UVRAG: variants seen among roughly 807,000 people sequenced by gnomAD.
The protein encoded by UVRAG is UV radiation resistance-associated gene protein.
Under a neutral mutation model 78.0 loss-of-function variants are expected in UVRAG, and 19 were observed. The observed-to-expected ratio is 0.24, with a 90% CI of 0.17 to 0.36. The LOEUF is 0.36. Ranked by LOEUF, UVRAG falls within the 10% of genes least tolerant of loss-of-function variation. The pLI, the probability that UVRAG is intolerant of heterozygous loss-of-function variation, is 1.00. For missense variants in UVRAG, 740 were observed against 853.8 expected (o/e 0.87, Z 1.66); for synonymous variants, 323 against 324.6 (o/e 1.00, Z 0.05).
intron 3 of UVRAG, among the ~76,000 whole-genome samples, chr11:75,872,893 C>A (rs1332459943): frequency 6.6e-6 from 1 of 152,132 alleles, no homozygotes; most frequent in African/African-American, 2.4e-5. Context: ...TAGTATAGTA[C>A]CTGGCACACT....
chr11:76,086,670 A>G (rs186591382), intron 13 of UVRAG, among the ~76,000 whole-genome samples: 8 of 152,376 alleles, frequency 5.3e-5, no homozygotes, highest in African/African-American at 1.9e-4. Flanking sequence ...AAGTGATTTA[A>G]TATGAAAGAT....
At chr11:75,950,763 AT>A (rs1948676697) in intron 6 of UVRAG, among the ~76,000 whole-genome samples, 2 of 152,112 alleles carry the variant, frequency 1.3e-5, no homozygotes, top group South Asian at 4.1e-4. Flanking sequence ...GTAGTAGTGT[AT>A]CATTTTGATT....
At position 76,086,496 on chromosome 11, in the gene UVRAG, A is replaced by G. The variant is rs528638174; in HGVS notation, c.1305+20708A>G. On this transcript the variant is annotated intron_variant, in intron 13 of 14. Transcript: ENST00000356136. Reference sequence around the variant, plus strand: ...AATTAATTAGATAGAGATTTGGTCTATTTTTTAATGTGTTCCCAGATCTTT... The same window carrying G: ...AATTAATTAGATAGAGATTTGGTCTGTTTTTTAATGTGTTCCCAGATCTTT... Among the ~76,000 whole-genome samples the G allele has an allele frequency of 3.3e-5, 5 of 152,262 alleles. No homozygotes were observed. The South Asian group carries it at 8.3e-4, about 25-fold the overall frequency.
At chr11:76,004,862 C>T (rs940326121) in intron 9 of UVRAG, among the ~76,000 whole-genome samples, 2 of 152,168 alleles carry the variant, frequency 1.3e-5, no homozygotes, top group African/African-American at 2.4e-5. Context: ...CACCTTGCAA[C>T]TGTAGTTAAT....
chr11:75,925,785 G>A (rs773321926), intron 6 of UVRAG, among the ~76,000 whole-genome samples: 1 of 152,102 alleles, frequency 6.6e-6, no homozygotes, highest in Non-Finnish European at 1.5e-5. Flanking sequence ...CTAAAAGTTA[G>A]CATACATCTT....
intron 7 of UVRAG, among the ~76,000 whole-genome samples, chr11:75,969,616 T>C (rs1949087827): frequency 6.6e-6 from 1 of 152,206 alleles, no homozygotes; most frequent in Non-Finnish European, 1.5e-5. Flanking sequence ...GCATATTTCA[T>C]AGACCTTTCA....
intron 5 of UVRAG, among the ~76,000 whole-genome samples, chr11:75,898,861 G>T (rs767158422): frequency 6.6e-6 from 1 of 152,052 alleles, no homozygotes; most frequent in Non-Finnish European, 1.5e-5. Context: ...TTAAATAGGT[G>T]GTTATTTCCT....
rs1362064870 is a variant in UVRAG, at chr11:76,140,954, ATCC to A, written c.1649_1651del (p.Ser550del). On this transcript the variant is annotated inframe_deletion, in exon 15 of 15. Transcript: ENST00000356136. Reference sequence around the variant, plus strand: ...AGACCGAGAGAAAGATAACATCTCTATCCTCCTCCTTGGATACCTCCTTGGACT... The same window carrying A: ...AGACCGAGAGAAAGATAACATCTCTATCCTCCTTGGATACCTCCTTGGACT... 1 of 1,614,006 alleles carries A rather than the reference ATCC, an allele frequency of 6.2e-7. No homozygotes were observed. Among genetic ancestry groups the A allele is most frequent in the African/African-American group, 1.3e-5 (1 of 74,916 alleles).
rs112528205 is a variant in UVRAG at position 75,965,304 on chromosome 11, T to TTTTATTTATTTATTTA, written c.699+3760_699+3775dup. On this transcript the variant is annotated intron_variant, in intron 7 of 14. Coordinates refer to ENST00000356136, the MANE Select transcript of UVRAG (RefSeq NM_003369.4). Reference sequence around the variant, plus strand: ...TTTCACTGTAGAGATTTTGGACATCTTTTATTTATTTATTTATTTAATTTT... The same window carrying TTTTATTTATTTATTTA: ...TTTCACTGTAGAGATTTTGGACATCTTTTATTTATTTATTTATTTATTTATTTATTTATTTAATTTT... 3.4e-3 allele frequency among the ~76,000 whole-genome samples: 498 copies of TTTTATTTATTTATTTA among 145,950 alleles called. 4 individuals carry two copies. Among genetic ancestry groups the TTTTATTTATTTATTTA allele is most frequent in the African/African-American group, 0.013 (472 of 35,722 alleles).
intron 13 of UVRAG, among the ~76,000 whole-genome samples, chr11:76,104,754 G>T (rs548203820): frequency 2.6e-5 from 4 of 152,270 alleles, no homozygotes; most frequent in African/African-American, 9.6e-5. Flanking sequence ...TAATGATCCT[G>T]TCGGGTATTT....
At chr11:75,986,821 T>A (rs2135286293) in intron 8 of UVRAG, among the ~76,000 whole-genome samples, 1 of 150,742 alleles carries the variant, frequency 6.6e-6, no homozygotes, top group East Asian at 2.0e-4. Flanking sequence ...TAGATTTGCC[T>A]TTTCTGGACA....
intron 12 of UVRAG, among the ~76,000 whole-genome samples, chr11:76,058,303 G>A (rs541185630): frequency 6.6e-6 from 1 of 152,186 alleles, no homozygotes; most frequent in South Asian, 2.1e-4. Context: ...GGCTGAAGTG[G>A]GAGGATTGCT....
intron 14 of UVRAG, among the ~76,000 whole-genome samples, chr11:76,127,908 G>C (rs901025552): frequency 7.9e-5 from 12 of 151,932 alleles, no homozygotes; most frequent in Admixed American, 7.9e-4. Flanking sequence ...AGTGAGCCAA[G>C]ATTGCACCAC....
intron 6 of UVRAG, among the ~76,000 whole-genome samples, chr11:75,957,184 G>C (rs1159415607): frequency 1.3e-5 from 2 of 151,998 alleles, no homozygotes; most frequent in African/African-American, 4.8e-5. Context: ...GGTCATAAGT[G>C]TTATGATTTC....
chr11:76,058,285 C>G (rs572700551), intron 12 of UVRAG, among the ~76,000 whole-genome samples: 139 of 152,144 alleles, frequency 9.1e-4, no homozygotes, highest in African/African-American at 3.1e-3. Flanking sequence ...AATCTTAACA[C>G]TTTGGGAGGC....
chr11:76,099,093 C>T (rs1384299400), intron 13 of UVRAG, among the ~76,000 whole-genome samples: 2 of 152,108 alleles, frequency 1.3e-5, no homozygotes, highest in African/African-American at 4.8e-5. Flanking sequence ...GTCCTAACAC[C>T]TCAAGAAAGC....
chr11:76,123,899 G>A (rs1952336107), intron 14 of UVRAG, among the ~76,000 whole-genome samples: 1 of 152,188 alleles, frequency 6.6e-6, no homozygotes, highest in African/African-American at 2.4e-5. Flanking sequence ...CCCAGTAGCT[G>A]GGATTATAGG....
At chr11:76,127,704 C>T (rs1952434962) in intron 14 of UVRAG, among the ~76,000 whole-genome samples, 2 of 151,592 alleles carry the variant, frequency 1.3e-5, no homozygotes, top group Admixed American at 6.6e-5. Flanking sequence ...CACCTGTAAT[C>T]CCAGCACTTT....
intron 14 of UVRAG, among the ~76,000 whole-genome samples, chr11:76,120,308 C>T (rs1440484833): frequency 2.0e-5 from 3 of 152,170 alleles, no homozygotes; most frequent in Non-Finnish European, 4.4e-5. Flanking sequence ...AAACAAATCA[C>T]AACAAATTAC....
Sources: gnomAD v4.1 joint callset for allele counts (sites outside exome capture counted in the v4.1 genomes callset) on GRCh38, gnomAD v4.1.1 for gene constraint, MANE v1.5 for transcripts, NCBI Gene and HGNC (gene_info 2026-07-23, HGNC 2026-07-21) for gene names.